The following PBX3 variants were observed in gnomAD, a reference collection of about 807,000 sequenced individuals.
PBX3 encodes PBX homeobox 3, also known as pre-B-cell leukemia transcription factor 3.
A neutral mutation model predicts 48.5 loss-of-function variants in PBX3; 14 were observed. The ratio of observed to expected loss-of-function variants is 0.29; its 90% CI spans 0.19 to 0.45. The LOEUF is 0.45. Among genes scored for constraint, PBX3 ranks in the 20% least tolerant of loss-of-function variants. The pLI is 1.00. For synonymous variants in PBX3, 210 were observed against 200.3 expected, an observed-to-expected ratio of 1.05 and a Z score of -0.41; for missense variants, 386 against 546.7, an observed-to-expected ratio of 0.71 and a Z score of 2.93.
chr9:125,748,825 T>G (rs1836284370), intron 2 of PBX3: 1 of 456,084 alleles, frequency 2.2e-6, no homozygotes, highest in Admixed American at 3.4e-5. Flanking sequence ...TAAAATGAAG[T>G]GTAGGTGCGG....
At chr9:125,865,254 C>T (rs1489144452) in intron 2 of PBX3, 7 of 169,128 alleles carry the variant, frequency 4.1e-5, no homozygotes, top group African/African-American at 9.6e-5. Flanking sequence ...CTTTTTTCTA[C>T]GAAGAGGTCT....
chr9:125,950,726 C>T (rs1214575494), intron 5 of PBX3, among the ~76,000 whole-genome samples: 1 of 152,144 alleles, frequency 6.6e-6, no homozygotes, highest in Non-Finnish European at 1.5e-5. Context: ...AGGTGATCCA[C>T]CCACTTCTGC....
At position 125,940,490 on chromosome 9, in the gene PBX3, C is replaced by A. The variant is rs563632524; in HGVS notation, c.843+4883C>A. Among the ~76,000 whole-genome samples, 4 of 152,280 alleles carry A rather than the reference C, an allele frequency of 2.6e-5. No individual in the cohort carries two copies. The South Asian group carries it at 8.3e-4, about 32-fold the overall frequency. On this transcript the variant is annotated intron_variant, in intron 5 of 8. Transcript: ENST00000373489. The stretch of plus-strand genomic sequence containing the variant: ...ACATCAGTGAACTTAACCAGACAGA[C>A]CCATGTCCTACCTGATAGAAATGTG...
intron 2 of PBX3, among the ~76,000 whole-genome samples, chr9:125,787,341 A>G (rs764230469): frequency 2.6e-5 from 4 of 152,154 alleles, no homozygotes; most frequent in Non-Finnish European, 5.9e-5. Context: ...TGAGCAGGAA[A>G]GATAATCTCT....
At chr9:125,797,106 A>G (rs1837805975) in intron 2 of PBX3, among the ~76,000 whole-genome samples, 1 of 152,136 alleles carries the variant, frequency 6.6e-6, no homozygotes, top group Non-Finnish European at 1.5e-5. Context: ...TTATAATACT[A>G]TAGTGACTAA....
chr9:125,757,015 T>C (rs1836535904), intron 2 of PBX3, among the ~76,000 whole-genome samples: 1 of 152,192 alleles, frequency 6.6e-6, no homozygotes, highest in Non-Finnish European at 1.5e-5. Flanking sequence ...CATGTTATTA[T>C]TTAAACAAAG....
At chr9:125,762,313 T>C (rs1280050560) in intron 2 of PBX3, among the ~76,000 whole-genome samples, 2 of 152,154 alleles carry the variant, frequency 1.3e-5, no homozygotes, top group Non-Finnish European at 2.9e-5. Context: ...CCCCAAAAAA[T>C]ATAGTCCACC....
intron 2 of PBX3, among the ~76,000 whole-genome samples, chr9:125,776,681 T>C (rs1020592417): frequency 2.0e-5 from 3 of 152,068 alleles, no homozygotes; most frequent in Non-Finnish European, 4.4e-5. Context: ...TCTGGGACTT[T>C]AGGCACATGC....
chr9:125,893,541 A>G (rs1054403713), intron 2 of PBX3, among the ~76,000 whole-genome samples: 8 of 152,234 alleles, frequency 5.3e-5, no homozygotes, highest in Non-Finnish European at 1.2e-4. Flanking sequence ...TGTTTAGTGG[A>G]GAAAACTAAT....
chr9:125,802,359 ATTTTTTTTTTTTTT>A (rs57805307), intron 2 of PBX3, among the ~76,000 whole-genome samples: 1 of 67,720 alleles, frequency 1.5e-5, no homozygotes, highest in Non-Finnish European at 2.7e-5. Flanking sequence ...ACATTAGTGC[ATTTTTTTTTTTTTT>A]TTTTTTTTTT....
chr9:125,917,848 T>C (rs1841368230), intron 3 of PBX3, among the ~76,000 whole-genome samples: 1 of 152,184 alleles, frequency 6.6e-6, no homozygotes, highest in African/African-American at 2.4e-5. Flanking sequence ...ATGTCTAGTC[T>C]CATTTGTAAG....
chr9:125,827,711 T>C (rs1838848451), intron 2 of PBX3, among the ~76,000 whole-genome samples: 1 of 152,186 alleles, frequency 6.6e-6, no homozygotes, highest in Non-Finnish European at 1.5e-5. Flanking sequence ...GCAGATGAAC[T>C]TCACATTCAT....
At chr9:125,791,809 G>A (rs1385477274) in intron 2 of PBX3, among the ~76,000 whole-genome samples, 2 of 151,830 alleles carry the variant, frequency 1.3e-5, no homozygotes, top group African/African-American at 4.8e-5. Flanking sequence ...GGTGGCAGGC[G>A]CCTGTAGTCC....
intron 2 of PBX3, among the ~76,000 whole-genome samples, chr9:125,867,986 C>T (rs992806465): frequency 6.6e-6 from 1 of 152,136 alleles, no homozygotes; most frequent in Non-Finnish European, 1.5e-5. Context: ...AGCTAGCCTC[C>T]CACCTCAGCC....
At chr9:125,883,803 A>G (rs969067847) in intron 2 of PBX3, among the ~76,000 whole-genome samples, 2 of 152,252 alleles carry the variant, frequency 1.3e-5, no homozygotes, top group Admixed American at 6.5e-5. Flanking sequence ...CATTTATAGT[A>G]CTAATAAAAC....
At chr9:125,830,715 A>C (rs1395724768) in intron 2 of PBX3, among the ~76,000 whole-genome samples, 2 of 152,174 alleles carry the variant, frequency 1.3e-5, no homozygotes, top group Non-Finnish European at 2.9e-5. Context: ...AAACTTAATA[A>C]ATGGAGGTAA....
intron 5 of PBX3, among the ~76,000 whole-genome samples, chr9:125,959,341 T>C (rs536539515): frequency 3.3e-5 from 5 of 152,264 alleles, no homozygotes; most frequent in Non-Finnish European, 7.3e-5. Flanking sequence ...GACGAACCTA[T>C]GCTCATGGTT....
rs570229602 is a variant in PBX3 at position 125,860,618 on chromosome 9, C to T, written c.275-55068C>T. Among the ~76,000 whole-genome samples, 44 of 152,236 alleles carry T rather than the reference C, an allele frequency of 2.9e-4. 2 individuals are homozygous for T. Among genetic ancestry groups the T allele is most frequent in the African/African-American group, 9.1e-4 (38 of 41,538 alleles). Reference sequence around the variant, plus strand: ...AAAGATGTTCACCATTGGCCAGGTGCGGTGGCTCATGCTTATAATCCCAGC... The same window carrying T: ...AAAGATGTTCACCATTGGCCAGGTGTGGTGGCTCATGCTTATAATCCCAGC... On this transcript the variant is annotated intron_variant, in intron 2 of 8. Coordinates refer to ENST00000373489, the MANE Select transcript of PBX3 (RefSeq NM_006195.6).
intron 2 of PBX3, among the ~76,000 whole-genome samples, chr9:125,877,978 G>T (rs1262813165): frequency 6.6e-6 from 1 of 152,148 alleles, no homozygotes; most frequent in Non-Finnish European, 1.5e-5. Flanking sequence ...CACCTGACTA[G>T]TTAGCAGCTT....
Sources: gnomAD v4.1 joint callset for allele counts (sites outside exome capture counted in the v4.1 genomes callset) on GRCh38, gnomAD v4.1.1 for gene constraint, MANE v1.5 for transcripts, NCBI Gene and HGNC (gene_info 2026-07-23, HGNC 2026-07-21) for gene names.